The following GALNT14 variants were observed in gnomAD, a reference collection of about 807,000 sequenced individuals.
GALNT14 encodes polypeptide N-acetylgalactosaminyltransferase 14.
GALNT14 carries 60 observed loss-of-function variants against 77.5 expected under a neutral mutation model. That is an observed-to-expected ratio of 0.77 (90% CI 0.63 to 0.96). The LOEUF (loss-of-function observed/expected upper bound fraction) is 0.96. Among genes scored for constraint, GALNT14 ranks in the 40% least tolerant of loss-of-function variants. GALNT14 has a pLI of 0.00. For missense variants in GALNT14, 710 were observed against 731.0 expected, an observed-to-expected ratio of 0.97 and a Z score of 0.33; for synonymous variants, 280 against 281.7, an observed-to-expected ratio of 0.99 and a Z score of 0.06.
chr2:30,938,121 C>T (rs2148270307), intron 9 of GALNT14, among the ~76,000 whole-genome samples: 1 of 151,390 alleles, frequency 6.6e-6, no homozygotes, highest in South Asian at 2.1e-4. Flanking sequence ...TCTGGGACAG[C>T]AGGTGGTGGT....
chr2:30,954,173 T>A (rs1337380487), intron 6 of GALNT14, among the ~76,000 whole-genome samples: 1 of 152,050 alleles, frequency 6.6e-6, no homozygotes. Flanking sequence ...CAGGAAGGGC[T>A]TGGTCAGAGC....
intron 1 of GALNT14, among the ~76,000 whole-genome samples, chr2:31,090,953 G>T (rs907707706): frequency 6.6e-5 from 10 of 152,202 alleles, no homozygotes; most frequent in Non-Finnish European, 1.3e-4. Flanking sequence ...TTTAGAGGCT[G>T]TATTACCTCC....
intron 1 of GALNT14, among the ~76,000 whole-genome samples, chr2:31,027,773 G>A (rs992801528): frequency 1.3e-5 from 2 of 152,154 alleles, no homozygotes; most frequent in African/African-American, 2.4e-5. Context: ...CCACTACAGT[G>A]TACTCATGTA....
the GALNT14 span, among the ~76,000 whole-genome samples, chr2:30,888,536 A>G: frequency 6.6e-6 from 1 of 152,230 alleles, no homozygotes; most frequent in South Asian, 2.1e-4. Context: ...GCTCTTATTA[A>G]TAATGTCTAC....
intron 9 of GALNT14, among the ~76,000 whole-genome samples, chr2:30,933,979 G>A (rs1390768366): frequency 1.3e-5 from 2 of 152,146 alleles, no homozygotes; most frequent in Admixed American, 1.3e-4. Context: ...TTTAAAACAT[G>A]GACATCACCC....
At chr2:30,996,051 G>T (rs555329617) in intron 1 of GALNT14, among the ~76,000 whole-genome samples, 2 of 152,140 alleles carry the variant, frequency 1.3e-5, no homozygotes, top group Non-Finnish European at 2.9e-5. Context: ...TGAATTAGAC[G>T]GGGCCACCAA....
intron 13 of GALNT14, among the ~76,000 whole-genome samples, chr2:30,919,657 G>A (rs990605236): frequency 2.0e-5 from 3 of 152,308 alleles, no homozygotes; most frequent in Admixed American, 1.3e-4. Context: ...CTTTACCTGC[G>A]GCTTTGCTTC....
chr2:31,041,150 T>G (rs1573223559), intron 1 of GALNT14, among the ~76,000 whole-genome samples: 1 of 152,064 alleles, frequency 6.6e-6, no homozygotes. Flanking sequence ...CATACAGCCA[T>G]TGGCACATTT....
intron 1 of GALNT14, among the ~76,000 whole-genome samples, chr2:31,109,632 C>T (rs530904682): frequency 2.0e-5 from 3 of 152,180 alleles, no homozygotes; most frequent in Non-Finnish European, 2.9e-5. Context: ...CACCGTCCTG[C>T]GGCAGTGCGG....
At position 31,036,310 on chromosome 2, in the gene GALNT14, C is replaced by A. The variant is rs887526293; in HGVS notation, c.130-43303G>T. Among the ~76,000 whole-genome samples the A allele has an allele frequency of 5.3e-5, 8 of 151,990 alleles. 1 individual carries two copies. Among genetic ancestry groups the A allele is most frequent in the African/African-American group, 1.9e-4 (8 of 41,366 alleles). On this transcript the variant is annotated intron_variant, in intron 1 of 14. Transcript: ENST00000349752. ...TTTTTTACTTATTTTCTTAGTAGTT[C>A]CCTGGAGATTACAATTAACACCTTA...
chr2:31,096,458 C>A (rs995491076), intron 1 of GALNT14, among the ~76,000 whole-genome samples: 4 of 152,136 alleles, frequency 2.6e-5, no homozygotes, highest in Non-Finnish European at 4.4e-5. Flanking sequence ...GGGCTTTAAT[C>A]TAAGACAGTC....
chr2:30,954,989 A>C (rs1156970623), intron 6 of GALNT14, among the ~76,000 whole-genome samples: 1 of 152,246 alleles, frequency 6.6e-6, no homozygotes, highest in Non-Finnish European at 1.5e-5. Flanking sequence ...CATTCTGTAG[A>C]TCAGTAGGGA....
chr2:30,909,243 A>G (rs1352284021), downstream of GALNT14, among the ~76,000 whole-genome samples: 5 of 149,690 alleles, frequency 3.3e-5, no homozygotes, highest in African/African-American at 1.2e-4. Flanking sequence ...TCTGCACAGC[A>G]AAAGAAACTA....
intron 1 of GALNT14, among the ~76,000 whole-genome samples, chr2:31,043,084 C>A (rs1673199560): frequency 6.6e-6 from 1 of 152,160 alleles, no homozygotes; most frequent in African/African-American, 2.4e-5. Context: ...CTATACCTGA[C>A]CCTTGCTGTT....
intron 9 of GALNT14, among the ~76,000 whole-genome samples, chr2:30,936,612 C>A (rs576104678): frequency 2.0e-5 from 3 of 152,258 alleles, no homozygotes; most frequent in South Asian, 2.1e-4. Flanking sequence ...CAATGGGGAA[C>A]CTTGCCTTTC....
chr2:30,962,083 C>T (rs1485461198), intron 3 of GALNT14, among the ~76,000 whole-genome samples: 2 of 152,128 alleles, frequency 1.3e-5, no homozygotes, highest in Non-Finnish European at 2.9e-5. Context: ...TTGAGAGCCC[C>T]TGCATTAGAA....
chr2:30,956,443 T>C (rs957569072), intron 4 of GALNT14, among the ~76,000 whole-genome samples: 1 of 152,214 alleles, frequency 6.6e-6, no homozygotes, highest in Admixed American at 6.5e-5. Flanking sequence ...AATAATCACA[T>C]CATGGAGAAT....
At chr2:31,054,445 AT>A (rs1319702491) in intron 1 of GALNT14, among the ~76,000 whole-genome samples, 1 of 152,028 alleles carries the variant, frequency 6.6e-6, no homozygotes, top group Non-Finnish European at 1.5e-5. Flanking sequence ...TTACTATGGC[AT>A]TTGTCCATGT....
downstream of GALNT14, among the ~76,000 whole-genome samples, chr2:30,906,876 A>G (rs965919809): frequency 1.3e-5 from 2 of 152,248 alleles, no homozygotes; most frequent in African/African-American, 4.8e-5. Flanking sequence ...ACCACAGTGC[A>G]ATCAAACTAG....
Sources: allele counts gnomAD v4.1 joint callset (sites outside exome capture counted in the v4.1 genomes callset), GRCh38; gene constraint gnomAD v4.1.1; transcripts MANE v1.5; gene names NCBI Gene and HGNC (gene_info 2026-07-23, HGNC 2026-07-21).